Variants in SPTBN5 observed in about 807,000 individuals in gnomAD.
SPTBN5 encodes the protein spectrin beta, non-erythrocytic 5, also known as spectrin beta chain, non-erythrocytic 5.
A neutral mutation model predicts 477.6 loss-of-function variants in SPTBN5; 513 were observed. That is an observed-to-expected ratio of 1.07 (90% confidence interval 1.00 to 1.16). The LOEUF (loss-of-function observed/expected upper bound fraction) is 1.16, where lower values mean the gene tolerates loss of function less well. SPTBN5 is among the 50% of genes most tolerant of loss of function. The probability of loss-of-function intolerance (pLI) is 0.00; values close to 1 mark genes in which losing one functional copy is unlikely to be tolerated. For missense variants in SPTBN5, 5,062 were observed against 4,731.8 expected, an observed-to-expected ratio of 1.07 and a Z score of -2.05; for synonymous variants, 2,169 against 2,011.7, an observed-to-expected ratio of 1.08 and a Z score of -2.09.
chr15:41,881,938 T>TGAATAAC lies in SPTBN5; in HGVS notation c.2448_2454dup (p.Thr819ValfsTer23). On this transcript the variant is annotated frameshift_variant, in exon 12 of 68. Coordinates refer to ENST00000320955, the MANE Select transcript of SPTBN5 (RefSeq NM_016642.4). LOFTEE classifies it high-confidence loss of function. ...CCCTTCCCTGTCCCCGTCCTCACCGTGAATAACGACGCCCGGGCCGAGGCC... is the reference window on the plus strand; with the variant it reads ...CCCTTCCCTGTCCCCGTCCTCACCGTGAATAACGAATAACGACGCCCGGGCCGAGGCC... The TGAATAAC allele has an allele frequency of 6.5e-7, 1 of 1,528,404 alleles. No individual in the cohort carries two copies. The allele number at this position is 1,528,404 out of a possible 1,614,324, so 94.7% of individuals were successfully genotyped here.
At chr15:41,881,351 G>T in intron 12 of SPTBN5, 117 bp from the exon 13 acceptor site, 1 of 811,958 alleles carries the variant, frequency 1.2e-6, no homozygotes, top group Non-Finnish European at 1.9e-6. Context: ...TAGCTCAAAG[G>T]GTGTGTGGGA....
chr15:41,868,352 G>T, intron 33 of SPTBN5, 46 bp downstream of exon 33: 3 of 1,578,210 alleles, frequency 1.9e-6, no homozygotes, highest in Non-Finnish European at 2.6e-6. Context: ...CCAGGCACAG[G>T]CTTGGTCAGC....
At chr15:41,881,374 G>T in intron 12 of SPTBN5, 140 bp from the exon 13 acceptor site, 2 of 680,322 alleles carry the variant, frequency 2.9e-6, no homozygotes, top group Non-Finnish European at 4.9e-6. Flanking sequence ...TGGGTCTGGG[G>T]GACAGGAAGC....
chr15:41,861,651 C>A, intron 45 of SPTBN5, 84 bp downstream of exon 45: 1 of 1,508,190 alleles, frequency 6.6e-7, no homozygotes, highest in South Asian at 1.3e-5. Flanking sequence ...CCCCTCCAGT[C>A]TTAGCCTTGA....
intron 65 of SPTBN5, 26 bp from the exon 66 acceptor site, chr15:41,850,965 C>T: frequency 6.3e-7 from 1 of 1,593,752 alleles, no homozygotes; most frequent in Non-Finnish European, 8.5e-7. Flanking sequence ...ACAGGTCAAA[C>T]TCCACTGTCC....
At position 41,853,404 on chromosome 15, in the gene SPTBN5, G is replaced by A. The variant is rs1306552380; in HGVS notation, c.10024C>T (p.Leu3342=). The part of the protein sequence containing the change: ...ERQELASSEE[L]AEDVAGAEQL... ...TCAGCCCCCGCCACGTCCTCAGCCAGCTCCTCGGAGGACGCCAGCTCCTGC... is the reference window on the plus strand; with the variant it reads ...TCAGCCCCCGCCACGTCCTCAGCCAACTCCTCGGAGGACGCCAGCTCCTGC... The change falls in exon 59 of 68, where the codon CTG becomes TTG. Residue 3342 remains leucine (L), a synonymous_variant. Coordinates refer to ENST00000320955, the MANE Select transcript of SPTBN5 (RefSeq NM_016642.4). 1 of 1,603,402 alleles carries A rather than the reference G, an allele frequency of 6.2e-7. No homozygotes were observed. Among genetic ancestry groups the A allele is most frequent in the South Asian group, 1.1e-5 (1 of 90,460 alleles).
chr15:41,872,433 G>A lies in SPTBN5; in HGVS notation c.5034C>T (p.Tyr1678=). The change falls in exon 27 of 68, where the codon TAC becomes TAT. Residue 1678 remains tyrosine, a synonymous_variant. Transcript: ENST00000320955. ...GGTCAAGCTCCTCCATGGAGCTCCA[G>A]TAAATGGCTAGTTCCTCCTGTAGAG... ...HQALQEELAI[Y]WSSMEELDQT... The A allele has an allele frequency of 1.9e-6, 3 of 1,573,516 alleles. No individual in the cohort carries two copies. The highest frequency in any genetic ancestry group is 1.3e-5 in the African/African-American group (1 of 74,114).
chr15:41,866,195 C>T lies in SPTBN5; in HGVS notation c.6665G>A (p.Arg2222Gln), dbSNP rs899631012. The T allele has an allele frequency of 1.1e-5, 17 of 1,583,194 alleles. No homozygotes were observed. Among genetic ancestry groups the T allele is most frequent in the African/African-American group, 9.4e-5 (7 of 74,210 alleles). ...CAGCCGCTGGGAGACCTCTCCGGCT[C>T]GAGGGTGACTCTGTGCCAGGAGAGC... is the stretch of plus-strand genomic sequence containing the variant. ...GEALLAQSHPRAGEVSQRLQG... is the reference protein window; with the variant it reads ...GEALLAQSHPQAGEVSQRLQG... The change falls in exon 38 of 68, where the codon CGA becomes CAA. Residue 2222 changes from arginine to glutamine, a missense_variant. Coordinates refer to ENST00000320955, the MANE Select transcript of SPTBN5 (RefSeq NM_016642.4).
chr15:41,892,003 T>C (rs2067328702), intron 3 of SPTBN5, among the ~76,000 whole-genome samples: 1 of 152,158 alleles, frequency 6.6e-6, no homozygotes, highest in African/African-American at 2.4e-5. Context: ...ACAGGGTCAT[T>C]GTCCCTGGAT....
chr15:41,873,618 G>C lies in SPTBN5; in HGVS notation c.4891-10C>G. On this transcript the variant is annotated splice_polypyrimidine_tract_variant and intron_variant, in intron 25 of 67. Coordinates refer to ENST00000320955, the MANE Select transcript of SPTBN5 (RefSeq NM_016642.4). Reference sequence around the variant, plus strand: ...ACACATCCAGAAAGTACTGCCAAGAGTGGGGCCAACTCACCTGGAGGATCT... The same window carrying C: ...ACACATCCAGAAAGTACTGCCAAGACTGGGGCCAACTCACCTGGAGGATCT... 6.5e-7 allele frequency: 1 copy of C among 1,548,698 alleles called. No homozygotes were observed. Among genetic ancestry groups the C allele is most frequent in the Middle Eastern group, 1.7e-4 (1 of 5,992 alleles).
In SPTBN5 at chr15:41,862,695, G is replaced by T. The variant is rs1400753878; in HGVS notation, c.7264-35C>A. Reference sequence around the variant, plus strand: ...AAGCCGGGGTCAGAGGCTGGGGCAGGGGAGCTCTGGGCCACCCAAGCCCCT... The same window carrying T: ...AAGCCGGGGTCAGAGGCTGGGGCAGTGGAGCTCTGGGCCACCCAAGCCCCT... On this transcript the variant is annotated intron_variant, in intron 42 of 67. Coordinates refer to ENST00000320955, the MANE Select transcript of SPTBN5 (RefSeq NM_016642.4). The T allele has an allele frequency of 1.0e-5, 16 of 1,540,226 alleles. 1 individual carries two copies. The highest frequency in any genetic ancestry group is 1.3e-5 in the Non-Finnish European group (15 of 1,146,392).
In SPTBN5 at chr15:41,862,317, T is replaced by C. The variant is rs773531711; in HGVS notation, c.7386-25A>G. On this transcript the variant is annotated intron_variant, in intron 43 of 67. Transcript: ENST00000320955. ...CCTGCCCACAGCGCTCATCAGCTAG[T>C]CGTCAGGCCTTCAAACCCCTCTCCC... 6 of 1,568,926 alleles carry C rather than the reference T, an allele frequency of 3.8e-6. No individual in the cohort carries two copies. The East Asian group carries it at 6.8e-5, about 18-fold the overall frequency.
intron 27 of SPTBN5, among the ~76,000 whole-genome samples, 154 bp from the exon 28 acceptor site, chr15:41,872,071 T>C (rs1020291212): frequency 6.6e-6 from 1 of 152,178 alleles, no homozygotes; most frequent in African/African-American, 2.4e-5. Flanking sequence ...GACACAGCAG[T>C]GCAGGTGTAG....
rs773572344 is a variant in SPTBN5 at position 41,855,220 on chromosome 15, T to C, written c.9423+4A>G. 1.8e-5 allele frequency: 29 copies of C among 1,606,100 alleles called. No individual in the cohort carries two copies. In the South Asian group the frequency reaches 3.2e-4, roughly 18 times the overall value. ...CCCGTGAGGTTTGCTCAGGAGTAAC[T>C]CACCTTGACACCCTCCAGGTCCTGC... is the stretch of plus-strand genomic sequence containing the variant. On this transcript the variant is annotated splice_donor_region_variant and intron_variant, in intron 55 of 67. Transcript: ENST00000320955.
chr15:41,865,945 G>A, intron 38 of SPTBN5, 42 bp from the exon 39 acceptor site: 1 of 1,548,236 alleles, frequency 6.5e-7, no homozygotes, highest in South Asian at 1.2e-5. Context: ...GTGAGCACCA[G>A]CCCAGGCTCC....
chr15:41,854,108 T>C lies in SPTBN5; in HGVS notation c.9716A>G (p.Asp3239Gly). 6.3e-7 allele frequency: 1 copy of C among 1,586,182 alleles called. No individual in the cohort carries two copies. The highest frequency in any genetic ancestry group is 1.3e-5 in the African/African-American group (1 of 74,558). The part of the protein sequence containing the change: ...QEKTALMKGE[D>G]GGHSLSSVRT... ...CACAGATGACAGGCTGTGGCCTCCG[T>C]CCTCCCCCTTCATCAGGGCCGTCTT... Residue 3239 changes from aspartate (D) to glycine (G), a missense_variant, in exon 57 of 68, where the codon GAC becomes GGC. Coordinates refer to ENST00000320955, the MANE Select transcript of SPTBN5 (RefSeq NM_016642.4).
chr15:41,876,083 G>A (rs768159313), intron 21 of SPTBN5, 31 bp downstream of exon 21: 2 of 1,575,946 alleles, frequency 1.3e-6, no homozygotes, highest in South Asian at 2.2e-5. Context: ...AAGACAAGGA[G>A]GCTCTGCACC....
chr15:41,848,770 A>G lies in SPTBN5; in HGVS notation c.11013-142T>C, dbSNP rs2065642890. The G allele has an allele frequency of 6.9e-6, 7 of 1,011,946 alleles. No individual in the cohort carries two copies. The East Asian group carries it at 1.7e-4, about 24-fold the overall frequency. The allele number at this position is 1,011,946 out of a possible 1,614,324, so 62.7% of individuals were successfully genotyped here. ...TGGGAGTGGATTCCAGAGCTGACTG[A>G]CAGGCGCTGCAGCAGCGACCACAGT... On this transcript the variant is annotated intron_variant, in intron 67 of 67. Transcript: ENST00000320955.
rs371429121 is a variant in SPTBN5, at chr15:41,858,885, C to T, written c.8079+5G>A. 834 of 1,576,908 alleles carry T rather than the reference C, an allele frequency of 5.3e-4. 9 individuals are homozygous for T. In the South Asian group the frequency reaches 7.1e-3, roughly 13 times the overall value. On this transcript the variant is annotated splice_donor_5th_base_variant and intron_variant, in intron 48 of 67. Coordinates refer to ENST00000320955, the MANE Select transcript of SPTBN5 (RefSeq NM_016642.4). Reference sequence around the variant, plus strand: ...TGACCGCCTCCCTCTCCAAGCGAGGCGAACCTCCTGGGAGTCCTGCAGGAA... The same window carrying T: ...TGACCGCCTCCCTCTCCAAGCGAGGTGAACCTCCTGGGAGTCCTGCAGGAA...
Sources: gnomAD v4.1 joint callset for allele counts (sites outside exome capture counted in the v4.1 genomes callset) on GRCh38, gnomAD v4.1.1 for gene constraint, MANE v1.5 for transcripts, NCBI Gene and HGNC (gene_info 2026-07-23, HGNC 2026-07-21) for gene names.